Variants in NEBL observed in about 807,000 individuals in gnomAD.
The protein encoded by NEBL is LIM and SH3 protein 2.
In NEBL, 122 loss-of-function variants were observed where a neutral mutation model predicts 140.2. That is an observed-to-expected ratio of 0.87 (90% confidence interval 0.75 to 1.01). The LOEUF is 1.01. Among genes scored for constraint, NEBL ranks in the 50% least tolerant of loss-of-function variants. The pLI, the probability that NEBL is intolerant of heterozygous loss-of-function variation, is 0.00. For synonymous variants in NEBL, 436 were observed against 398.9 expected (o/e 1.09, Z -1.11); for missense variants, 1,365 against 1,231.3 (o/e 1.11, Z -1.62).
intron 26 of NEBL, among the ~76,000 whole-genome samples, chr10:20,802,209 G>A (rs140220019): frequency 3.5e-4 from 54 of 152,246 alleles, no homozygotes; most frequent in African/African-American, 1.2e-3. Context: ...AAGTAATACC[G>A]GGAAGCAGAT....
chr10:21,213,242 A>C (rs954441325), intron 3 of NEBL, among the ~76,000 whole-genome samples: 5 of 152,230 alleles, frequency 3.3e-5, no homozygotes, highest in African/African-American at 1.2e-4. Context: ...TTGATGGTTC[A>C]GTTTCCTTGA....
chr10:21,065,984 T>G (rs1009057935), intron 2 of NEBL, among the ~76,000 whole-genome samples: 9 of 152,232 alleles, frequency 5.9e-5, no homozygotes, highest in African/African-American at 2.2e-4. Flanking sequence ...TTAGCTGTCC[T>G]CTCTTTATCC....
intron 26 of NEBL, among the ~76,000 whole-genome samples, chr10:20,807,541 T>C (rs1837717364): frequency 6.6e-6 from 1 of 152,228 alleles, no homozygotes; most frequent in Non-Finnish European, 1.5e-5. Flanking sequence ...TTTATTCCCA[T>C]TAGTGTTTCA....
intron 5 of NEBL, among the ~76,000 whole-genome samples, chr10:20,879,460 G>C (rs141999054): frequency 3.3e-5 from 5 of 152,342 alleles, no homozygotes; most frequent in Admixed American, 1.3e-4. Context: ...AACTATGTTA[G>C]AAAAGTGCTC....
intron 4 of NEBL, among the ~76,000 whole-genome samples, chr10:20,929,148 A>AAT (rs1410720136): frequency 6.6e-6 from 1 of 152,134 alleles, no homozygotes. Context: ...ACATATCAAA[A>AAT]ATATATCTGC....
intron 4 of NEBL, among the ~76,000 whole-genome samples, chr10:20,907,881 A>T (rs915027454): frequency 1.2e-4 from 18 of 152,190 alleles, no homozygotes; most frequent in African/African-American, 4.1e-4. Flanking sequence ...AAATGCAATG[A>T]AGTGCTTCGA....
intron 2 of NEBL, among the ~76,000 whole-genome samples, chr10:21,160,296 C>T (rs554742245): frequency 1.4e-4 from 22 of 152,240 alleles, no homozygotes; most frequent in South Asian, 6.2e-4. Context: ...GTGCTTTTTA[C>T]GGGCCACTCA....
chr10:21,175,773 A>T (rs1841284852), upstream of NEBL, among the ~76,000 whole-genome samples: 1 of 152,248 alleles, frequency 6.6e-6, no homozygotes. Flanking sequence ...AGAGCTCATT[A>T]GAAATGTATG....
At chr10:20,935,444 T>C (rs1350395913) in intron 4 of NEBL, among the ~76,000 whole-genome samples, 1 of 152,198 alleles carries the variant, frequency 6.6e-6, no homozygotes, top group Non-Finnish European at 1.5e-5. Flanking sequence ...AGAATGCAGA[T>C]AACAGAACTG....
intron 3 of NEBL, among the ~76,000 whole-genome samples, chr10:20,995,961 A>T (rs1018861452): frequency 8.5e-5 from 13 of 152,092 alleles, no homozygotes; most frequent in African/African-American, 3.1e-4. Flanking sequence ...CCATACTTCC[A>T]ATTTTAATCT....
chr10:21,045,718 T>G (rs904517711), intron 2 of NEBL, among the ~76,000 whole-genome samples: 1 of 152,132 alleles, frequency 6.6e-6, no homozygotes, highest in Non-Finnish European at 1.5e-5. Flanking sequence ...ACAACACATG[T>G]TGGCAAGGAT....
intron 21 of NEBL, chr10:20,815,943 A>G (rs906227031): frequency 4.0e-6 from 2 of 496,534 alleles, no homozygotes; most frequent in African/African-American, 3.9e-5. Context: ...TAATTTTTGT[A>G]TTTTTGTAGA....
At chr10:21,148,335 A>G (rs1388914515) in intron 2 of NEBL, among the ~76,000 whole-genome samples, 1 of 152,208 alleles carries the variant, frequency 6.6e-6, no homozygotes, top group Non-Finnish European at 1.5e-5. Flanking sequence ...TGAAACAATA[A>G]GTATCTCTTC....
intron 27 of NEBL, among the ~76,000 whole-genome samples, chr10:20,786,629 G>A (rs1052969458): frequency 2.0e-5 from 3 of 152,112 alleles, no homozygotes; most frequent in Non-Finnish European, 4.4e-5. Flanking sequence ...TCAAGTTACC[G>A]GACAGTGTAG....
chr10:21,017,069 G>A (rs1838584236), intron 3 of NEBL, among the ~76,000 whole-genome samples: 1 of 152,162 alleles, frequency 6.6e-6, no homozygotes. Flanking sequence ...GAAAAGTGTG[G>A]ACATCGAGGG....
intron 4 of NEBL, among the ~76,000 whole-genome samples, chr10:20,939,727 G>A (rs989028326): frequency 1.2e-4 from 18 of 152,170 alleles, no homozygotes; most frequent in Non-Finnish European, 1.6e-4. Context: ...TCAAAATAAA[G>A]GGATGGAGGA....
chr10:21,277,085 C>CA (rs1842933905), intron 1 of NEBL, among the ~76,000 whole-genome samples: 1 of 151,786 alleles, frequency 6.6e-6, no homozygotes, highest in African/African-American at 2.4e-5. Flanking sequence ...GTCATGATGA[C>CA]ACTACTGTAC....
At chr10:21,122,295 GA>G (rs1432683109) in intron 2 of NEBL, among the ~76,000 whole-genome samples, 2 of 151,824 alleles carry the variant, frequency 1.3e-5, no homozygotes, top group African/African-American at 2.4e-5. Flanking sequence ...CAAAGTACTG[GA>G]ATTACAGGCA....
chr10:20,991,823 T>G (rs1428563955), intron 3 of NEBL, among the ~76,000 whole-genome samples: 2 of 145,006 alleles, frequency 1.4e-5, no homozygotes, highest in African/African-American at 5.0e-5. Flanking sequence ...TGTGTCCATA[T>G]GTACTCAGCA....
Sources: allele counts gnomAD v4.1 joint callset (sites outside exome capture counted in the v4.1 genomes callset), GRCh38; gene constraint gnomAD v4.1.1; transcripts MANE v1.5; gene names NCBI Gene and HGNC (gene_info 2026-07-23, HGNC 2026-07-21).